USP48: variants seen among roughly 807,000 people sequenced by gnomAD.
The protein encoded by USP48 is ubiquitin carboxyl-terminal hydrolase 48.
In USP48, 43 loss-of-function variants were observed where a neutral mutation model predicts 150.7. That is an observed-to-expected ratio of 0.29 (90% CI 0.22 to 0.37). USP48 has a LOEUF of 0.37. USP48 is among the 10% of genes least tolerant of loss of function. The pLI is 1.00. For missense variants in USP48, 813 were observed against 1,249.6 expected, an observed-to-expected ratio of 0.65 and a Z score of 5.27; for synonymous variants, 396 against 425.9, an observed-to-expected ratio of 0.93 and a Z score of 0.86.
chr1:21,702,469 C>G (rs1005039432), intron 21 of USP48, among the ~76,000 whole-genome samples: 5 of 151,894 alleles, frequency 3.3e-5, no homozygotes, highest in African/African-American at 7.3e-5. Context: ...CATATCCAAT[C>G]AATTTCACCT....
At chr1:21,679,566 T>A in intron 26 of USP48, 127 bp from the exon 27 acceptor site, 1 of 1,181,628 alleles carries the variant, frequency 8.5e-7, no homozygotes, top group Non-Finnish European at 1.2e-6. Flanking sequence ...AGTCGCACCT[T>A]GGTGTGGGAG....
intron 8 of USP48, among the ~76,000 whole-genome samples, chr1:21,746,442 T>G (rs531718396): frequency 6.6e-5 from 10 of 151,524 alleles, no homozygotes; most frequent in African/African-American, 2.4e-4. Flanking sequence ...AGAGCAAGAC[T>G]CCGTCTCAAA....
At chr1:21,736,936 C>G (rs902776128) in intron 8 of USP48, among the ~76,000 whole-genome samples, 1 of 152,214 alleles carries the variant, frequency 6.6e-6, no homozygotes, top group Non-Finnish European at 1.5e-5. Flanking sequence ...CTTCAGCACA[C>G]ACTAGCGAGG....
chr1:21,744,593 C>CA (rs1274310334), intron 8 of USP48, among the ~76,000 whole-genome samples: 2 of 151,148 alleles, frequency 1.3e-5, no homozygotes, highest in African/African-American at 4.9e-5. Context: ...CTGGTCAACA[C>CA]AGTGAAACCC....
At chr1:21,764,590 C>G (rs2097857393) in intron 1 of USP48, among the ~76,000 whole-genome samples, 1 of 151,650 alleles carries the variant, frequency 6.6e-6, no homozygotes, top group South Asian at 2.1e-4. Context: ...GCTTGTAATC[C>G]CAGCTACTCT....
rs111850582 is a variant in USP48, at chr1:21,689,910, G to C, written c.3009+64C>G. 7.7e-4 allele frequency: 1,228 copies of C among 1,592,516 alleles called. 3 individuals carry two copies. In the Middle Eastern group the frequency reaches 0.012, roughly 15 times the overall value. On this transcript the variant is annotated intron_variant, in intron 24 of 26. Transcript: ENST00000308271. ...CATCCTTTAACCACCATTTCACACAGTTTACACATAGTTATGTAACATGTA... is the reference window on the plus strand; with the variant it reads ...CATCCTTTAACCACCATTTCACACACTTTACACATAGTTATGTAACATGTA...
chr1:21,699,031 A>C (rs564934158), intron 22 of USP48, among the ~76,000 whole-genome samples: 1 of 151,948 alleles, frequency 6.6e-6, no homozygotes, highest in Non-Finnish European at 1.5e-5. Context: ...ACACCCATAC[A>C]CCCAAATGCA....
intron 15 of USP48, among the ~76,000 whole-genome samples, chr1:21,713,071 C>T (rs1232182666): frequency 6.6e-6 from 1 of 151,894 alleles, no homozygotes; most frequent in Non-Finnish European, 1.5e-5. Context: ...TCCCTCCCTC[C>T]CTTTCTTTCT....
At chr1:21,744,313 G>T (rs2097788854) in intron 8 of USP48, among the ~76,000 whole-genome samples, 1 of 151,862 alleles carries the variant, frequency 6.6e-6, no homozygotes, top group Non-Finnish European at 1.5e-5. Context: ...AGGTACGATG[G>T]CATGCGTCTG....
At chr1:21,782,386 G>A (rs750574923) in intron 1 of USP48, among the ~76,000 whole-genome samples, 17 of 152,040 alleles carry the variant, frequency 1.1e-4, no homozygotes, top group Non-Finnish European at 2.1e-4. Context: ...GCTGACCACA[G>A]TTTTTTCTAA....
intron 8 of USP48, among the ~76,000 whole-genome samples, chr1:21,739,541 A>G (rs1429276367): frequency 6.6e-6 from 1 of 151,754 alleles, no homozygotes; most frequent in Non-Finnish European, 1.5e-5. Context: ...AAAAAAAAAA[A>G]AAAAGACAAA....
chr1:21,709,879 T>C (rs186115607), intron 15 of USP48, among the ~76,000 whole-genome samples: 46 of 152,294 alleles, frequency 3.0e-4, no homozygotes, highest in Admixed American at 2.4e-3. Context: ...AAATATATAG[T>C]CCTTCACTCT....
chr1:21,728,913 T>C (rs1442126291), intron 10 of USP48, among the ~76,000 whole-genome samples, 194 bp from the exon 11 acceptor site: 1 of 152,148 alleles, frequency 6.6e-6, no homozygotes, highest in African/African-American at 2.4e-5. Context: ...TAATCCTAAA[T>C]TGATTCCCCC....
chr1:21,720,924 C>T (rs1571853336), intron 14 of USP48, 112 bp downstream of exon 14: 4 of 1,411,170 alleles, frequency 2.8e-6, no homozygotes, highest in East Asian at 4.7e-5. Context: ...GTGATCTGCC[C>T]GTCTGAGCCT....
chr1:21,728,270 T>TA (rs1345981581), intron 11 of USP48: 5 of 1,089,532 alleles, frequency 4.6e-6, no homozygotes, highest in Non-Finnish European at 4.5e-6. Flanking sequence ...GGATTTTTCT[T>TA]AAACAAGTTA....
intron 1 of USP48, among the ~76,000 whole-genome samples, chr1:21,777,815 T>G (rs2097903475): frequency 6.6e-6 from 1 of 151,896 alleles, no homozygotes; most frequent in African/African-American, 2.4e-5. Context: ...AATAAGGGAC[T>G]TATATGCAGT....
chr1:21,758,032 T>C (rs1284646246), intron 1 of USP48, among the ~76,000 whole-genome samples: 1 of 152,162 alleles, frequency 6.6e-6, no homozygotes, highest in Non-Finnish European at 1.5e-5. Context: ...GGATTTACTG[T>C]TCCTTAGGCT....
chr1:21,681,380 G>C (rs2097565382), intron 25 of USP48: 1 of 152,224 alleles, frequency 6.6e-6, no homozygotes, highest in African/African-American at 2.4e-5. Flanking sequence ...TCCTGCCTCA[G>C]CTTCCCAAGT....
chr1:21,738,168 C>T (rs1027245568), intron 8 of USP48, among the ~76,000 whole-genome samples: 2 of 151,658 alleles, frequency 1.3e-5, no homozygotes, highest in Admixed American at 1.3e-4. Context: ...AGTGATTCTC[C>T]TGCCCCAGCC....
Sources: allele counts gnomAD v4.1 joint callset (sites outside exome capture counted in the v4.1 genomes callset), GRCh38; gene constraint gnomAD v4.1.1; transcripts MANE v1.5; gene names NCBI Gene and HGNC (gene_info 2026-07-23, HGNC 2026-07-21).